DPP6: variants seen among roughly 807,000 people sequenced by gnomAD.
DPP6 encodes the protein A-type potassium channel modulatory protein DPP6.
DPP6 carries 69 observed loss-of-function variants against 122.6 expected under a neutral mutation model. That is an observed-to-expected ratio of 0.56 (90% CI 0.46 to 0.69). DPP6 has a LOEUF of 0.69. DPP6 is among the 30% of genes least tolerant of loss of function. The pLI is 0.00. For missense variants in DPP6, 928 were observed against 1,116.9 expected (o/e 0.83, Z 2.41); for synonymous variants, 418 against 433.1 (o/e 0.97, Z 0.43).
At chr7:154,874,118 GACCCACACACCC>G in intron 19 of DPP6, among the ~76,000 whole-genome samples, 1 of 150,504 alleles carries the variant, frequency 6.6e-6, no homozygotes, top group Non-Finnish European at 1.5e-5. Flanking sequence ...CACACCCACA[GACCCACACACCC>G]CACACATGTG....
intron 16 of DPP6, among the ~76,000 whole-genome samples, chr7:154,837,109 A>T (rs984875861): frequency 2.0e-5 from 3 of 152,112 alleles, no homozygotes; most frequent in African/African-American, 7.2e-5. Context: ...ACCTGCATGC[A>T]CACACACACA....
intron 1 of DPP6, among the ~76,000 whole-genome samples, chr7:154,295,936 A>G (rs73491245): frequency 2.8e-5 from 4 of 141,634 alleles, no homozygotes; most frequent in Non-Finnish European, 4.5e-5. Context: ...ATGCATAAAC[A>G]GTTGCTTCTT....
At chr7:153,829,990 A>C in the DPP6 span, among the ~76,000 whole-genome samples, 1 of 152,228 alleles carries the variant, frequency 6.6e-6, no homozygotes, top group Non-Finnish European at 1.5e-5. Flanking sequence ...CTGAGATTTC[A>C]TCGGAGAAGC....
At chr7:154,659,815 G>T (rs942045900) in intron 6 of DPP6, among the ~76,000 whole-genome samples, 6 of 152,202 alleles carry the variant, frequency 3.9e-5, no homozygotes, top group Non-Finnish European at 8.8e-5. Flanking sequence ...AGATTGAGAG[G>T]TTGAGAGAGT....
At chr7:154,311,703 T>C (rs1806905855) in intron 1 of DPP6, among the ~76,000 whole-genome samples, 1 of 152,182 alleles carries the variant, frequency 6.6e-6, no homozygotes, top group Admixed American at 6.5e-5. Flanking sequence ...TTCTCTGTCC[T>C]ACTCCCATCC....
At chr7:154,538,235 GTATT>G (rs1298187094) in intron 3 of DPP6, among the ~76,000 whole-genome samples, 5 of 152,100 alleles carry the variant, frequency 3.3e-5, no homozygotes, top group African/African-American at 9.7e-5. Context: ...TCTTTTTTAT[GTATT>G]TATTTATTTT....
intron 2 of DPP6, among the ~76,000 whole-genome samples, chr7:154,450,239 C>CT (rs1820245274): frequency 6.6e-6 from 1 of 151,872 alleles, no homozygotes; most frequent in Non-Finnish European, 1.5e-5. Flanking sequence ...AGATTTGTGG[C>CT]TGCTGTAAGG....
intron 1 of DPP6, among the ~76,000 whole-genome samples, chr7:154,130,580 T>C (rs1372157809): frequency 2.0e-5 from 3 of 152,200 alleles, no homozygotes; most frequent in Admixed American, 1.3e-4. Flanking sequence ...GAAACACTCA[T>C]GTTTCTCATG....
At chr7:154,542,318 C>T (rs544762830) in intron 4 of DPP6, among the ~76,000 whole-genome samples, 4 of 152,070 alleles carry the variant, frequency 2.6e-5, no homozygotes, top group Non-Finnish European at 4.4e-5. Flanking sequence ...GAAATACTAA[C>T]GTTGTAGAAA....
At chr7:154,451,041 G>A (rs1468977733) in intron 2 of DPP6, among the ~76,000 whole-genome samples, 4 of 152,058 alleles carry the variant, frequency 2.6e-5, no homozygotes, top group Non-Finnish European at 5.9e-5. Context: ...ATGTCACCCC[G>A]GTCCAAGGGC....
chr7:154,513,629 C>T (rs1364934852), intron 3 of DPP6, among the ~76,000 whole-genome samples: 1 of 152,134 alleles, frequency 6.6e-6, no homozygotes, highest in Admixed American at 6.6e-5. Flanking sequence ...TAGAGATGTC[C>T]ACCCTGGGAA....
chr7:154,331,889 G>A (rs1318244273), intron 1 of DPP6, among the ~76,000 whole-genome samples: 2 of 152,080 alleles, frequency 1.3e-5, no homozygotes, highest in Non-Finnish European at 2.9e-5. Context: ...CTCTTCTTAT[G>A]GTGCACATAG....
chr7:153,772,695 GA>G, the DPP6 span, among the ~76,000 whole-genome samples: 5 of 149,732 alleles, frequency 3.3e-5, no homozygotes, highest in South Asian at 1.0e-3. Context: ...GATTAAAAAA[GA>G]AAAAACTATA....
intron 10 of DPP6, 65 bp from the exon 11 acceptor site, chr7:154,794,014 G>A (rs1024188918): frequency 1.9e-6 from 3 of 1,565,876 alleles, no homozygotes; most frequent in Admixed American, 1.7e-5. Context: ...TGGGGTCGGC[G>A]GTCCCCTGGC....
At chr7:154,529,122 A>G (rs1020247109) in intron 3 of DPP6, among the ~76,000 whole-genome samples, 5 of 152,214 alleles carry the variant, frequency 3.3e-5, no homozygotes, top group Non-Finnish European at 5.9e-5. Context: ...GGAGTAGTCT[A>G]TGGTGAAGGT....
intron 7 of DPP6, among the ~76,000 whole-genome samples, chr7:154,698,879 C>T (rs997746051): frequency 9.2e-5 from 14 of 152,212 alleles, no homozygotes; most frequent in Non-Finnish European, 1.8e-4. Context: ...CCTGCTCATC[C>T]TCTAGGAGGC....
intron 1 of DPP6, among the ~76,000 whole-genome samples, chr7:153,964,081 C>T (rs1404638369): frequency 6.6e-6 from 1 of 152,148 alleles, no homozygotes; most frequent in Non-Finnish European, 1.5e-5. Context: ...CTGCAATCTC[C>T]ATCTCCCGGG....
the DPP6 span, among the ~76,000 whole-genome samples, chr7:153,831,843 T>C: frequency 1.4e-3 from 211 of 152,214 alleles, 1 homozygote; most frequent in Non-Finnish European, 3.7e-4. Flanking sequence ...GGGGCTGAGG[T>C]GGGCTCTAGG....
chr7:154,179,636 G>GT (rs1475151976), intron 1 of DPP6, among the ~76,000 whole-genome samples: 1 of 152,048 alleles, frequency 6.6e-6, no homozygotes, highest in Admixed American at 6.5e-5. Flanking sequence ...AAAACCTTAG[G>GT]TTTGCTTCAG....
Sources: allele counts gnomAD v4.1 joint callset (sites outside exome capture counted in the v4.1 genomes callset), GRCh38; gene constraint gnomAD v4.1.1; transcripts MANE v1.5; gene names NCBI Gene and HGNC (gene_info 2026-07-23, HGNC 2026-07-21).